The following LBHD1 variants were observed in gnomAD, a reference collection of about 807,000 sequenced individuals.
LBHD1 encodes the protein LBH domain containing 1.
A neutral mutation model predicts 31.1 loss-of-function variants in LBHD1; 28 were observed. The ratio of observed to expected loss-of-function variants is 0.90; its 90% CI spans 0.67 to 1.24. The LOEUF is 1.24. LBHD1 is among the 50% of genes most tolerant of loss of function. The pLI is 0.00. For missense variants in LBHD1, 350 were observed against 323.0 expected, an observed-to-expected ratio of 1.08 and a Z score of -0.64; for synonymous variants, 105 against 116.5, an observed-to-expected ratio of 0.90 and a Z score of 0.63.
intron 4 of LBHD1, chr11:62,666,644 G>T (rs753626421): frequency 6.2e-7 from 1 of 1,614,064 alleles, no homozygotes; most frequent in African/African-American, 1.3e-5. Flanking sequence ...TGTGCTGGGG[G>T]TGGACTTTTC....
Position 62,671,748 on chromosome 11 carries a change from G to A in LBHD1, c.-195C>T, listed in dbSNP as rs781477334. On this transcript the variant is annotated 5_prime_UTR_variant, in exon 1 of 7. Coordinates refer to ENST00000354588, the MANE Select transcript of LBHD1 (RefSeq NM_024099.5). ...CTCCGCTGGCTGTGCAGGCGGCCATGGATTCCTTGCGGAAAATGCTGATCT... is the reference window on the plus strand; with the variant it reads ...CTCCGCTGGCTGTGCAGGCGGCCATAGATTCCTTGCGGAAAATGCTGATCT... 1.2e-6 allele frequency: 2 copies of A among 1,613,602 alleles called. No individual in the cohort carries two copies. Among genetic ancestry groups the A allele is most frequent in the Non-Finnish European group, 1.7e-6 (2 of 1,179,828 alleles).
At position 62,669,697 on chromosome 11, in the gene LBHD1, G is replaced by A. The variant is rs145893700; in HGVS notation, c.257C>T (p.Thr86Ile). The A allele has an allele frequency of 1.8e-3, 2,909 of 1,614,150 alleles. 54 individuals carry two copies. The African/African-American group carries it at 0.036, about 20-fold the overall frequency. Reference sequence around the variant, plus strand: ...CTCAGCATCCTCTTCCTCACCATCAGTGAGCAGCAGCAGCTCCTCATGGGG... The same window carrying A: ...CTCAGCATCCTCTTCCTCACCATCAATGAGCAGCAGCAGCTCCTCATGGGG... ...HLPHEELLLL[T>I]DGEEEDAEAF... Residue 86 changes from threonine (T) to isoleucine (I), a missense_variant, in exon 3 of 7, where the codon ACT becomes ATT. By Grantham distance (89) the Thr-to-Ile change is moderately conservative. Transcript: ENST00000354588.
intron 4 of LBHD1, chr11:62,666,930 A>G (rs779908877): frequency 1.2e-6 from 2 of 1,613,774 alleles, no homozygotes; most frequent in African/African-American, 1.3e-5. Context: ...TCAGATGAGG[A>G]CCCTGATGTG....
rs371721281 is a variant in LBHD1 at position 62,664,909 on chromosome 11, C to T, written c.603G>A (p.Pro201=). ...TTGGTCTATCACAGCCCCGACCACC[C>T]GGTGCCTCAGACGCCGCTCCCGATT... ...GVESGAASEA[P]GGRGCDRPRA... is the part of the protein sequence containing the mutation. Residue 201 remains proline (P), a synonymous_variant, in exon 5 of 7, where the codon CCG becomes CCA. Transcript: ENST00000354588. 8.8e-5 allele frequency: 141 copies of T among 1,599,854 alleles called. 2 individuals carry two copies. Among genetic ancestry groups the T allele is most frequent in the Admixed American group, 7.0e-5 (4 of 57,476 alleles).
intron 5 of LBHD1, among the ~76,000 whole-genome samples, chr11:62,663,951 T>G (rs2134600956): frequency 6.6e-6 from 1 of 150,676 alleles, no homozygotes. Context: ...GGAGCACCTG[T>G]AATCCCAGCT....
intron 5 of LBHD1, 37 bp from the exon 6 acceptor site, chr11:62,663,370 C>G (rs1944705182): frequency 6.3e-7 from 1 of 1,592,328 alleles, no homozygotes; most frequent in African/African-American, 1.3e-5. Flanking sequence ...GCTAGGTTAA[C>G]CTGAACCAAC....
chr11:62,666,880 C>T lies in LBHD1; in HGVS notation c.538+643G>A, dbSNP rs905553228. ...GGGCTTACCAGCTTCTATCAGAATG[C>T]TTGAGGGTTCTAAACCCTCAGGGGA... On this transcript the variant is annotated intron_variant, in intron 4 of 6. Coordinates refer to ENST00000354588, the MANE Select transcript of LBHD1 (RefSeq NM_024099.5). The T allele has an allele frequency of 1.2e-5, 20 of 1,614,088 alleles. No individual in the cohort carries two copies. The Admixed American group carries it at 2.7e-4, about 22-fold the overall frequency.
intron 4 of LBHD1, chr11:62,665,794 C>A: frequency 1.3e-6 from 2 of 1,558,834 alleles, no homozygotes; most frequent in Non-Finnish European, 8.7e-7. Context: ...ATTTGCAGAT[C>A]TTCCCCTGGA....
intron 1 of LBHD1, chr11:62,671,143 A>G: frequency 2.7e-6 from 1 of 366,816 alleles, no homozygotes; most frequent in Non-Finnish European, 5.4e-6. Flanking sequence ...AACAACAACA[A>G]AACCAAAAAA....
At chr11:62,671,012 T>A in intron 1 of LBHD1, 1 of 255,342 alleles carries the variant, frequency 3.9e-6, no homozygotes, top group Non-Finnish European at 8.1e-6. Flanking sequence ...GGCAGGAGGA[T>A]CGCTTGGGCC....
In LBHD1 at chr11:62,663,271, ATCTGCTGGAGGAGTTT is replaced by A; in HGVS notation, c.710_725del (p.Lys237IlefsTer49). The A allele has an allele frequency of 6.2e-7, 1 of 1,614,178 alleles. No individual in the cohort carries two copies. The highest frequency in any genetic ancestry group is 1.7e-5 in the Admixed American group (1 of 60,006). Reference sequence around the variant, plus strand: ...TGTCTTCTCTTTCTGGGCAAGCCGGATCTGCTGGAGGAGTTTTCTGCGCTTCTTCCCTGACAGTGTA... The same window carrying A: ...TGTCTTCTCTTTCTGGGCAAGCCGGATCTGCGCTTCTTCCCTGACAGTGTA... On this transcript the variant is annotated frameshift_variant, in exon 6 of 7. Transcript: ENST00000354588. LOFTEE classifies it high-confidence loss of function.
intron 1 of LBHD1, 74 bp from the exon 2 acceptor site, chr11:62,670,115 C>T: frequency 1.4e-6 from 2 of 1,460,748 alleles, no homozygotes; most frequent in South Asian, 1.3e-5. Flanking sequence ...TTCCTTTAAT[C>T]TTCTTTGGAG....
intron 5 of LBHD1, among the ~76,000 whole-genome samples, chr11:62,663,693 CAAAA>C (rs552135889): frequency 1.7e-5 from 1 of 60,118 alleles, no homozygotes. Context: ...GACTCCGTCT[CAAAA>C]AAAAAAAAAA....
Position 62,669,780 on chromosome 11 carries a change from C to T in LBHD1, c.174G>A (p.Leu58=), listed in dbSNP as rs1298392815. The T allele has an allele frequency of 6.2e-7, 1 of 1,614,182 alleles. No individual in the cohort carries two copies. Among genetic ancestry groups the T allele is most frequent in the East Asian group, 2.2e-5 (1 of 44,880 alleles). ...CACTGGATTCCACCACAATAGACGG[C>T]AGATGGGACTTTTGAGAGAAATCCT... The part of the protein sequence containing the change: ...HIQDFSQKSH[L]PSIVVESSEV... Residue 58 remains leucine, a synonymous_variant, in exon 3 of 7, where the codon CTG becomes CTA. Transcript: ENST00000354588.
chr11:62,665,830 G>A (rs899188705), intron 4 of LBHD1: 8 of 1,602,080 alleles, frequency 5.0e-6, no homozygotes, highest in East Asian at 4.5e-5. Context: ...GCTGGAGTAG[G>A]GTGGACGCTT....
rs1381378157 is a variant in LBHD1 at position 62,671,808 on chromosome 11, C to T, written c.-255G>A. 2.5e-6 allele frequency: 4 copies of T among 1,614,138 alleles called. No individual in the cohort carries two copies. The highest frequency in any genetic ancestry group is 3.4e-6 in the Non-Finnish European group (4 of 1,180,014). The stretch of plus-strand genomic sequence containing the variant: ...TGCTGGGCGCAGGGGCTGGCGTGGG[C>T]TACGCGCTCCTCGTTATCGTGACCC... On this transcript the variant is annotated 5_prime_UTR_variant, in exon 1 of 7. Transcript: ENST00000354588.
At chr11:62,663,529 C>T (rs1944709745) in intron 5 of LBHD1, among the ~76,000 whole-genome samples, 196 bp from the exon 6 acceptor site, 1 of 151,544 alleles carries the variant, frequency 6.6e-6, no homozygotes, top group South Asian at 2.1e-4. Context: ...CCTGTCTCTA[C>T]TAAAAATACA....
rs1434938550 is a variant in LBHD1, at chr11:62,663,236, C to T, written c.761G>A (p.Ser254Asn). The T allele has an allele frequency of 1.2e-6, 2 of 1,614,042 alleles. No individual in the cohort carries two copies. Among genetic ancestry groups the T allele is most frequent in the South Asian group, 1.1e-5 (1 of 91,092 alleles). ...ACPEREDSHG[S>N]GSPFKASQD ...TCACCCACCTCTGTCCCAGCCTCAC[C>T]TTCCATGGCTGTCTTCTCTTTCTGG... Residue 254 changes from serine to asparagine, a missense_variant and splice_region_variant, in exon 6 of 7, where the codon AGT (serine) becomes AAT (asparagine). Transcript: ENST00000354588.
At position 62,667,222 on chromosome 11, in the gene LBHD1, G is replaced by C. The variant is rs937011309; in HGVS notation, c.538+301C>G. The C allele has an allele frequency of 5.7e-6, 4 of 696,138 alleles. No individual in the cohort carries two copies. The African/African-American group carries it at 7.2e-5, about 12-fold the overall frequency. The allele number at this position is 696,138 out of a possible 1,614,324, so 43.1% of individuals were successfully genotyped here. A position where few individuals can be genotyped will look rare whatever the true frequency, so the allele number is the denominator to read the frequency against. ...CTGTTCCCCAGTTTACTCATCTGCA[G>C]AGTGAGAATAACTTGGAGTTACGGA... On this transcript the variant is annotated intron_variant, in intron 4 of 6. Coordinates refer to ENST00000354588, the MANE Select transcript of LBHD1 (RefSeq NM_024099.5).
Sources: gnomAD v4.1 joint callset for allele counts (sites outside exome capture counted in the v4.1 genomes callset) on GRCh38, gnomAD v4.1.1 for gene constraint, MANE v1.5 for transcripts, NCBI Gene and HGNC (gene_info 2026-07-23, HGNC 2026-07-21) for gene names.